FLOT2: variants seen among roughly 807,000 people sequenced by gnomAD.
FLOT2 encodes the protein flotillin 2, also known as flotillin-2.
FLOT2 carries 35 observed loss-of-function variants against 54.9 expected under a neutral mutation model. The observed-to-expected ratio is 0.64, with a 90% CI of 0.49 to 0.84. The LOEUF (loss-of-function observed/expected upper bound fraction) is 0.84, where lower values mean the gene tolerates loss of function less well. FLOT2 is among the 40% of genes least tolerant of loss of function. The pLI, the probability that FLOT2 is intolerant of heterozygous loss-of-function variation, is 0.00. For synonymous variants in FLOT2, 207 were observed against 228.9 expected (o/e 0.90, Z 0.86); for missense variants, 464 against 572.1 (o/e 0.81, Z 1.93).
At chr17:28,888,544 C>G (rs986266430) in intron 2 of FLOT2, among the ~76,000 whole-genome samples, 1 of 152,166 alleles carries the variant, frequency 6.6e-6, no homozygotes, top group Non-Finnish European at 1.5e-5. Context: ...GCATGGGGTC[C>G]CTCCAGCCTT....
intron 2 of FLOT2, among the ~76,000 whole-genome samples, chr17:28,887,844 A>G (rs1000926644): frequency 6.6e-6 from 1 of 152,212 alleles, no homozygotes; most frequent in Non-Finnish European, 1.5e-5. Context: ...AGTCCCCAGC[A>G]TCGCTCACCT....
At chr17:28,895,040 T>C (rs557389890) in intron 1 of FLOT2, among the ~76,000 whole-genome samples, 65 of 151,334 alleles carry the variant, frequency 4.3e-4, no homozygotes, top group African/African-American at 1.5e-3. Context: ...GCCTCCGGAG[T>C]AGCTGGGACC....
chr17:28,897,685 C>A lies in FLOT2; in HGVS notation c.-111G>T. On this transcript the variant is annotated 5_prime_UTR_variant, in exon 1 of 11. Transcript: ENST00000394908. The surrounding 1 kb of genome is among the most constrained non-coding windows in gnomAD (Gnocchi z 4.4). The stretch of plus-strand genomic sequence containing the variant: ...CCCGCCACCCCCAGCGGCCGGCCGC[C>A]CGCTCGCTCGCCCGCGCCCCTCTGC... The A allele has an allele frequency of 1.0e-6, 1 of 1,003,892 alleles. No homozygotes were observed. 62.2% of individuals were successfully genotyped at this position (1,003,892 alleles called of 1,614,324 possible). A position where few individuals can be genotyped will look rare whatever the true frequency, so the allele number is the denominator to read the frequency against.
In FLOT2 at chr17:28,897,675, G is replaced by C; in HGVS notation, c.-101C>G. 1 of 1,100,138 alleles carries C rather than the reference G, an allele frequency of 9.1e-7. No homozygotes were observed. Among genetic ancestry groups the C allele is most frequent in the Non-Finnish European group, 1.2e-6 (1 of 853,288 alleles). The allele number at this position is 1,100,138 out of a possible 1,614,324, so 68.1% of individuals were successfully genotyped here. A position where few individuals can be genotyped will look rare whatever the true frequency, so the allele number is the denominator to read the frequency against. ...CCCAGCCTATCCCGCCACCCCCAGC[G>C]GCCGGCCGCCCGCTCGCTCGCCCGC... On this transcript the variant is annotated 5_prime_UTR_variant, in exon 1 of 11. Coordinates refer to ENST00000394908, the MANE Select transcript of FLOT2 (RefSeq NM_004475.3). This position sits in a 1 kb window ranked among gnomAD's most constrained non-coding sequence, Gnocchi z 4.4.
At chr17:28,894,658 G>A (rs1439335952) in intron 1 of FLOT2, among the ~76,000 whole-genome samples, 4 of 125,580 alleles carry the variant, frequency 3.2e-5, no homozygotes, top group African/African-American at 1.2e-4. Context: ...ACTGAGTGTG[G>A]TGGCGTCCAC....
chr17:28,891,601 T>C (rs2039651996), intron 1 of FLOT2, among the ~76,000 whole-genome samples: 1 of 152,230 alleles, frequency 6.6e-6, no homozygotes, highest in Non-Finnish European at 1.5e-5. Flanking sequence ...GTTTATGCTG[T>C]GCAGTACAGC....
In FLOT2 at chr17:28,879,903, G is replaced by A. The variant is rs2039418856; in HGVS notation, c.*658C>T. 2 of 986,062 alleles carry A rather than the reference G, an allele frequency of 2.0e-6. No individual in the cohort carries two copies. The highest frequency in any genetic ancestry group is 2.4e-6 in the Non-Finnish European group (2 of 830,216). 61.1% of individuals were successfully genotyped at this position (986,062 alleles called of 1,614,324 possible). ...AAACTGAGGAAGCTGCTGTAGACAG[G>A]AGGCCTTGCCTCTGTGCCCTTGGGG... On this transcript the variant is annotated 3_prime_UTR_variant, in exon 11 of 11. Coordinates refer to ENST00000394908, the MANE Select transcript of FLOT2 (RefSeq NM_004475.3).
intron 2 of FLOT2, chr17:28,886,045 T>C: frequency 5.7e-6 from 3 of 522,470 alleles, no homozygotes; most frequent in Admixed American, 4.9e-5. Flanking sequence ...CACCGATGCC[T>C]GACGCCTGGG....
In FLOT2 at chr17:28,897,390, G is replaced by A. The variant is rs1397001908; in HGVS notation, c.49+136C>T. 1.2e-5 allele frequency: 9 copies of A among 750,802 alleles called. No individual in the cohort carries two copies. Among genetic ancestry groups the A allele is most frequent in the South Asian group, 5.8e-5 (3 of 51,526 alleles). 46.5% of individuals were successfully genotyped at this position (750,802 alleles called of 1,614,324 possible). ...GAGCACGAGATCTCTCTTGGAAGGG[G>A]CCTCAGGTGCGGCCCGGGGGCCAGC... On this transcript the variant is annotated intron_variant, in intron 1 of 10. Coordinates refer to ENST00000394908, the MANE Select transcript of FLOT2 (RefSeq NM_004475.3). This position sits in a 1 kb window ranked among gnomAD's most constrained non-coding sequence, Gnocchi z 4.4.
chr17:28,881,163 C>A, intron 9 of FLOT2, 29 bp downstream of exon 9: 1 of 1,601,014 alleles, frequency 6.2e-7, no homozygotes, highest in Non-Finnish European at 8.5e-7. Context: ...ACACTTGAAC[C>A]CTAGGACCCG....
Position 28,894,616 on chromosome 17 carries a change from CTTTTTTTTTTTTTT to C in FLOT2, c.49+2896_49+2909del, listed in dbSNP as rs34266130. 1.5e-4 allele frequency among the ~76,000 whole-genome samples: 7 copies of C among 47,426 alleles called. No individual in the cohort carries two copies. The South Asian group carries it at 7.8e-3, about 53-fold the overall frequency. 31.1% of individuals were successfully genotyped at this position (47,426 alleles called of 152,430 possible). On this transcript the variant is annotated intron_variant, in intron 1 of 10. Transcript: ENST00000394908. ...TCCAGCCTGGGCAACAGAGCAAGAC[CTTTTTTTTTTTTTT>C]TTTTTTTTTTTTTAAATACTGAGTG...
Position 28,892,847 on chromosome 17 carries a change from C to T in FLOT2, c.50-3821G>A, listed in dbSNP as rs979067095. 7 of 152,238 alleles carry T rather than the reference C, an allele frequency of 4.6e-5. No individual in the cohort carries two copies. In the South Asian group the frequency reaches 6.2e-4, roughly 14 times the overall value. 9.4% of individuals were successfully genotyped at this position (152,238 alleles called of 1,614,324 possible). On this transcript the variant is annotated intron_variant, in intron 1 of 10. Transcript: ENST00000394908. ...TAAATTGTTAGTAGAGATGGGGTTTCGCCATGTTGGCCGGGCTGGTCTCGA... is the reference window on the plus strand; with the variant it reads ...TAAATTGTTAGTAGAGATGGGGTTTTGCCATGTTGGCCGGGCTGGTCTCGA...
At position 28,880,242 on chromosome 17, in the gene FLOT2, T is replaced by C. The variant is rs920809067; in HGVS notation, c.*319A>G. The C allele has an allele frequency of 1.6e-5, 19 of 1,203,550 alleles. No homozygotes were observed. Among genetic ancestry groups the C allele is most frequent in the African/African-American group, 3.1e-5 (2 of 63,630 alleles). 74.6% of individuals were successfully genotyped at this position (1,203,550 alleles called of 1,614,324 possible). On this transcript the variant is annotated 3_prime_UTR_variant, in exon 11 of 11. Coordinates refer to ENST00000394908, the MANE Select transcript of FLOT2 (RefSeq NM_004475.3). ...CAGGGCCACCCCCCACAGAGAGTGA[T>C]TGTAATAAACATCTTCAGCTTAATC...
Position 28,879,931 on chromosome 17 carries a change from A to T in FLOT2, c.*630T>A. The stretch of plus-strand genomic sequence containing the variant: ...GCCTTGCCTCTGTGCCCTTGGGGTC[A>T]GGGAGAAAGGACAGGGTATGAGCGC... On this transcript the variant is annotated 3_prime_UTR_variant, in exon 11 of 11. Transcript: ENST00000394908. The T allele has an allele frequency of 1.0e-6, 1 of 986,282 alleles. No homozygotes were observed. The highest frequency in any genetic ancestry group is 1.2e-6 in the Non-Finnish European group (1 of 830,382). The allele number at this position is 986,282 out of a possible 1,614,324, so 61.1% of individuals were successfully genotyped here.
At position 28,884,483 on chromosome 17, in the gene FLOT2, G is replaced by A. The variant is rs1039913554; in HGVS notation, c.132-168C>T. On this transcript the variant is annotated intron_variant, in intron 2 of 10. Coordinates refer to ENST00000394908, the MANE Select transcript of FLOT2 (RefSeq NM_004475.3). The surrounding 1 kb of genome is among the most constrained non-coding windows in gnomAD (Gnocchi z 5.1). ...TGTCTGAGAAGGAGGTGGGCACGAGGGCAGGGTGGGTGCAGGTGGCCCCAG... is the reference window on the plus strand; with the variant it reads ...TGTCTGAGAAGGAGGTGGGCACGAGAGCAGGGTGGGTGCAGGTGGCCCCAG... Among the ~76,000 whole-genome samples, 1 of 152,190 alleles carries A rather than the reference G, an allele frequency of 6.6e-6. No individual in the cohort carries two copies. The highest frequency in any genetic ancestry group is 1.5e-5 in the Non-Finnish European group (1 of 68,020).
chr17:28,886,886 C>G (rs2039555802), intron 2 of FLOT2, among the ~76,000 whole-genome samples: 1 of 152,160 alleles, frequency 6.6e-6, no homozygotes, highest in African/African-American at 2.4e-5. Context: ...ACTGGCCATG[C>G]AGATGTGCAA....
At position 28,897,462 on chromosome 17, in the gene FLOT2, T is replaced by A; in HGVS notation, c.49+64A>T. The stretch of plus-strand genomic sequence containing the variant: ...TCAGGCCCAGCTCTTCCCCGTGCAC[T>A]CCCCAGCCCTGCACCCACCCCGAGC... On this transcript the variant is annotated intron_variant, in intron 1 of 10. Transcript: ENST00000394908. The surrounding 1 kb of genome is among the most constrained non-coding windows in gnomAD (Gnocchi z 4.4). 1 of 1,468,714 alleles carries A rather than the reference T, an allele frequency of 6.8e-7. No homozygotes were observed. The highest frequency in any genetic ancestry group is 2.0e-5 in the Admixed American group (1 of 49,596). The allele number at this position is 1,468,714 out of a possible 1,614,324, so 91.0% of individuals were successfully genotyped here.
At chr17:28,886,296 C>T (rs924827229) in intron 2 of FLOT2, among the ~76,000 whole-genome samples, 1 of 152,232 alleles carries the variant, frequency 6.6e-6, no homozygotes, top group Admixed American at 6.5e-5. Flanking sequence ...CTCACTTTCC[C>T]AGGGATCCTG....
At chr17:28,886,088 C>G (rs2039541466) in intron 2 of FLOT2, 5 of 585,522 alleles carry the variant, frequency 8.5e-6, no homozygotes, top group South Asian at 1.7e-5. Flanking sequence ...GTAATCCAAC[C>G]CCCCAACTGC....
Sources: gnomAD v4.1 joint callset for allele counts (sites outside exome capture counted in the v4.1 genomes callset) on GRCh38, gnomAD v4.1.1 for gene constraint, Gnocchi (gnomAD v3.1) non-coding constraint, MANE v1.5 for transcripts, NCBI Gene and HGNC (gene_info 2026-07-23, HGNC 2026-07-21) for gene names.